Variants in GRID2 observed in about 807,000 individuals in gnomAD.
The protein encoded by GRID2 is glutamate receptor ionotropic, delta-2.
A neutral mutation model predicts 114.8 loss-of-function variants in GRID2; 33 were observed. The ratio of observed to expected loss-of-function variants is 0.29; its 90% CI spans 0.22 to 0.38. GRID2 has a LOEUF of 0.38. Among genes scored for constraint, GRID2 ranks in the 10% least tolerant of loss-of-function variants. The pLI is 1.00. For missense variants in GRID2, 1,184 were observed against 1,257.7 expected (o/e 0.94, Z 0.89); for synonymous variants, 505 against 449.9 (o/e 1.12, Z -1.55).
intron 12 of GRID2, among the ~76,000 whole-genome samples, chr4:93,500,089 T>G (rs1355908281): frequency 1.3e-5 from 2 of 152,054 alleles, no homozygotes; most frequent in African/African-American, 4.8e-5. Context: ...TATGTTTAGC[T>G]AAGTTACTTC....
intron 1 of GRID2, among the ~76,000 whole-genome samples, chr4:92,447,480 G>T (rs1465447235): frequency 6.6e-6 from 1 of 152,116 alleles, no homozygotes; most frequent in Non-Finnish European, 1.5e-5. Context: ...AAACCAAGTA[G>T]TAGTTGCCTT....
chr4:93,452,972 T>C (rs1479160859), intron 10 of GRID2, among the ~76,000 whole-genome samples: 1 of 151,450 alleles, frequency 6.6e-6, no homozygotes, highest in East Asian at 2.0e-4. Context: ...ATGTGCCATG[T>C]TGGTGTGCTG....
intron 1 of GRID2, among the ~76,000 whole-genome samples, chr4:92,521,374 CAT>C (rs1439753009): frequency 6.6e-6 from 1 of 151,768 alleles, no homozygotes; most frequent in Non-Finnish European, 1.5e-5. Flanking sequence ...AAAAGAAAGT[CAT>C]ATTTCAGATT....
At chr4:93,517,547 G>C (rs1729857585) in intron 13 of GRID2, among the ~76,000 whole-genome samples, 1 of 151,986 alleles carries the variant, frequency 6.6e-6, no homozygotes, top group African/African-American at 2.4e-5. Context: ...AGAAACAGCT[G>C]ACAATTGATT....
At chr4:92,337,507 C>A (rs1727250192) in intron 1 of GRID2, among the ~76,000 whole-genome samples, 1 of 152,126 alleles carries the variant, frequency 6.6e-6, no homozygotes, top group South Asian at 2.1e-4. Context: ...TTAGTCTGTT[C>A]TGACACTGCT....
chr4:93,395,039 A>G (rs1765200556), intron 8 of GRID2, among the ~76,000 whole-genome samples: 2 of 152,042 alleles, frequency 1.3e-5, no homozygotes, highest in African/African-American at 4.8e-5. Flanking sequence ...GGCTGCTGCC[A>G]AAATATTCCA....
At chr4:93,667,855 AC>A (rs2149747246) in intron 14 of GRID2, among the ~76,000 whole-genome samples, 1 of 152,194 alleles carries the variant, frequency 6.6e-6, no homozygotes, top group African/African-American at 2.4e-5. Context: ...ACAAGATTTA[AC>A]GTAATGCAGT....
intron 2 of GRID2, among the ~76,000 whole-genome samples, chr4:92,866,359 A>G (rs1395788791): frequency 6.6e-6 from 1 of 152,154 alleles, no homozygotes; most frequent in African/African-American, 2.4e-5. Context: ...TATTCTGCTT[A>G]CCTAACAGCC....
At chr4:93,801,459 T>A (rs1224439710) in intron 1 of GRID2, among the ~76,000 whole-genome samples, 1 of 152,088 alleles carries the variant, frequency 6.6e-6, no homozygotes, top group Non-Finnish European at 1.5e-5. Context: ...ACATAAAGTA[T>A]GATATGTGAG....
intron 11 of GRID2, among the ~76,000 whole-genome samples, chr4:93,468,093 T>C (rs1724461561): frequency 6.6e-6 from 1 of 152,218 alleles, no homozygotes; most frequent in South Asian, 2.1e-4. Flanking sequence ...ATGTCTGAAT[T>C]CCTCTGTGAT....
intron 11 of GRID2, among the ~76,000 whole-genome samples, chr4:93,483,418 A>T (rs1050362272): frequency 1.1e-4 from 16 of 151,950 alleles, no homozygotes; most frequent in Non-Finnish European, 2.1e-4. Flanking sequence ...TAATCCCACC[A>T]TTCCAGATTA....
chr4:93,098,962 A>G (rs1731460129), intron 3 of GRID2, among the ~76,000 whole-genome samples: 1 of 149,968 alleles, frequency 6.7e-6, no homozygotes, highest in Non-Finnish European at 1.5e-5. Context: ...ATCCTGACAG[A>G]TGATTGTATT....
At chr4:93,079,032 C>T (rs1386395155) in intron 2 of GRID2, among the ~76,000 whole-genome samples, 2 of 150,516 alleles carry the variant, frequency 1.3e-5, no homozygotes, top group African/African-American at 4.9e-5. Flanking sequence ...GCAATGTAAA[C>T]ATAAGCCTCA....
chr4:93,329,216 T>A (rs1302519020), intron 8 of GRID2, among the ~76,000 whole-genome samples: 2 of 152,124 alleles, frequency 1.3e-5, no homozygotes, highest in Non-Finnish European at 2.9e-5. Context: ...AATAAGATAA[T>A]GTCTCAATAC....
chr4:93,807,409 A>G (rs572311625), exon 2 of GRID2: 16 of 152,302 alleles, frequency 1.1e-4, no homozygotes, highest in African/African-American at 3.4e-4. Flanking sequence ...TTATCACAGA[A>G]TTCTCTCCAT....
intron 4 of GRID2, among the ~76,000 whole-genome samples, chr4:93,152,522 C>T (rs1310149825): frequency 1.3e-5 from 2 of 152,198 alleles, no homozygotes; most frequent in East Asian, 3.9e-4. Context: ...TTAACCACAG[C>T]TTAAATTGAA....
chr4:93,100,492 G>A (rs1485618786), intron 3 of GRID2, among the ~76,000 whole-genome samples: 2 of 151,886 alleles, frequency 1.3e-5, no homozygotes, highest in Admixed American at 1.3e-4. Context: ...CAGGAAGCAA[G>A]CCATTTATAA....
intron 1 of GRID2, among the ~76,000 whole-genome samples, chr4:92,376,431 T>C (rs1428048550): frequency 6.6e-6 from 1 of 152,188 alleles, no homozygotes; most frequent in Non-Finnish European, 1.5e-5. Flanking sequence ...TTGCAGGGTA[T>C]AGCCTCCATC....
At chr4:92,655,321 C>A (rs528326251) in intron 2 of GRID2, among the ~76,000 whole-genome samples, 23 of 151,778 alleles carry the variant, frequency 1.5e-4, no homozygotes, top group Admixed American at 7.9e-4. Flanking sequence ...GTATGATGTC[C>A]CAGCTGTGTC....
Sources: allele counts gnomAD v4.1 joint callset (sites outside exome capture counted in the v4.1 genomes callset), GRCh38; gene constraint gnomAD v4.1.1; transcripts MANE v1.5; gene names NCBI Gene and HGNC (gene_info 2026-07-23, HGNC 2026-07-21).